HIP1: variants seen among roughly 807,000 people sequenced by gnomAD.
HIP1 encodes the protein huntingtin interacting protein 1.
HIP1 carries 65 observed loss-of-function variants against 147.6 expected under a neutral mutation model. The ratio of observed to expected loss-of-function variants is 0.44; its 90% CI spans 0.36 to 0.54. The LOEUF (loss-of-function observed/expected upper bound fraction) is 0.54. HIP1 is among the 20% of genes least tolerant of loss of function. HIP1 has a pLI of 0.00. For synonymous variants in HIP1, 479 were observed against 504.0 expected, an observed-to-expected ratio of 0.95 and a Z score of 0.67; for missense variants, 1,061 against 1,299.6, an observed-to-expected ratio of 0.82 and a Z score of 2.82.
intron 1 of HIP1, among the ~76,000 whole-genome samples, chr7:75,635,574 T>C (rs1554509545): frequency 9.5e-6 from 1 of 104,918 alleles, no homozygotes; most frequent in African/African-American, 3.5e-5. Context: ...AGAGACTCCA[T>C]CTCAAAAAAA....
intron 1 of HIP1, among the ~76,000 whole-genome samples, chr7:75,610,111 C>T (rs1554504577): frequency 6.6e-6 from 1 of 151,852 alleles, no homozygotes; most frequent in Admixed American, 6.6e-5. Context: ...CCATGTTGGC[C>T]AGGCTGGTCT....
At chr7:75,608,108 C>T (rs782705849) in intron 1 of HIP1, among the ~76,000 whole-genome samples, 14 of 152,246 alleles carry the variant, frequency 9.2e-5, no homozygotes, top group East Asian at 5.8e-4. Context: ...AGTTCAAGTT[C>T]GGCCTGGCCA....
intron 1 of HIP1, among the ~76,000 whole-genome samples, chr7:75,617,597 A>T (rs1797714062): frequency 6.6e-6 from 1 of 152,074 alleles, no homozygotes; most frequent in Admixed American, 6.6e-5. Flanking sequence ...ATAAGAGAAC[A>T]TCTGTGATGA....
At chr7:75,557,287 C>G (rs1359539809) in intron 16 of HIP1, among the ~76,000 whole-genome samples, 14 of 152,012 alleles carry the variant, frequency 9.2e-5, no homozygotes, top group Admixed American at 9.2e-4. Flanking sequence ...TCCACACCCC[C>G]CTCAGCCTCC....
chr7:75,658,104 AT>A (rs541780266), intron 1 of HIP1, among the ~76,000 whole-genome samples: 2 of 151,766 alleles, frequency 1.3e-5, no homozygotes, highest in African/African-American at 4.8e-5. Context: ...TCTTCCTCAT[AT>A]TTTTTTTAGA....
chr7:75,733,653 G>T lies in HIP1; in HGVS notation c.120+5148C>A, dbSNP rs371993149. On this transcript the variant is annotated intron_variant, in intron 1 of 30. Coordinates refer to ENST00000336926, the MANE Select transcript of HIP1 (RefSeq NM_005338.7). Reference sequence around the variant, plus strand: ...TGAGGAGGCAAGGCTTCCTGGAGGAGGCTGGCAGGAGTAGGTATGCAAGGC... The same window carrying T: ...TGAGGAGGCAAGGCTTCCTGGAGGATGCTGGCAGGAGTAGGTATGCAAGGC... 4.5e-5 allele frequency: 7 copies of T among 153,946 alleles called. No homozygotes were observed. The East Asian group carries it at 1.3e-3, about 30-fold the overall frequency. 9.5% of individuals were successfully genotyped at this position (153,946 alleles called of 1,614,324 possible).
At chr7:75,712,785 T>TTCAC (rs371882318) in intron 1 of HIP1, among the ~76,000 whole-genome samples, 1 of 151,898 alleles carries the variant, frequency 6.6e-6, no homozygotes, top group Non-Finnish European at 1.5e-5. Context: ...TACTCATTCA[T>TTCAC]TCACTCACTC....
intron 8 of HIP1, among the ~76,000 whole-genome samples, chr7:75,572,857 G>T (rs781947315): frequency 6.6e-6 from 1 of 152,146 alleles, no homozygotes; most frequent in Non-Finnish European, 1.5e-5. Context: ...AGCCCCAGCT[G>T]CAGACTCAGG....
At chr7:75,732,346 A>AC (rs1236670596) in intron 1 of HIP1, among the ~76,000 whole-genome samples, 2 of 151,806 alleles carry the variant, frequency 1.3e-5, no homozygotes, top group African/African-American at 4.8e-5. Flanking sequence ...CTATCCACCG[A>AC]CTTTTTTTGT....
At chr7:75,676,643 G>C (rs145929372) in intron 1 of HIP1, among the ~76,000 whole-genome samples, 5 of 151,982 alleles carry the variant, frequency 3.3e-5, no homozygotes, top group Non-Finnish European at 7.4e-5. Context: ...GGGCCTGGTG[G>C]TGTGTGCCTG....
chr7:75,662,489 T>G (rs1554513795), intron 1 of HIP1, among the ~76,000 whole-genome samples: 1 of 152,040 alleles, frequency 6.6e-6, no homozygotes, highest in Non-Finnish European at 1.5e-5. Context: ...GAAAGAGGCT[T>G]TTATTTATTT....
Position 75,568,139 on chromosome 7 carries a change from G to T in HIP1, c.803+60C>A. On this transcript the variant is annotated intron_variant, in intron 9 of 30. Coordinates refer to ENST00000336926, the MANE Select transcript of HIP1 (RefSeq NM_005338.7). This position sits in a 1 kb window ranked among gnomAD's most constrained non-coding sequence, Gnocchi z 4.1. Reference sequence around the variant, plus strand: ...CCACCTCTCACAGTGCACTTGCATGGCTTAATGATTTTATAGCGCTCTTGA... The same window carrying T: ...CCACCTCTCACAGTGCACTTGCATGTCTTAATGATTTTATAGCGCTCTTGA... 8.2e-7 allele frequency: 1 copy of T among 1,218,378 alleles called. No individual in the cohort carries two copies. Among genetic ancestry groups the T allele is most frequent in the Non-Finnish European group, 1.2e-6 (1 of 819,128 alleles). The allele number at this position is 1,218,378 out of a possible 1,614,324, so 75.5% of individuals were successfully genotyped here.
At chr7:75,669,776 T>C (rs927178265) in intron 1 of HIP1, among the ~76,000 whole-genome samples, 4 of 152,196 alleles carry the variant, frequency 2.6e-5, no homozygotes, top group Admixed American at 2.6e-4. Flanking sequence ...TTTAAGCATG[T>C]TGTAGCATGA....
chr7:75,668,043 C>T (rs1554514781), intron 1 of HIP1, among the ~76,000 whole-genome samples: 2 of 152,198 alleles, frequency 1.3e-5, no homozygotes, highest in African/African-American at 4.8e-5. Context: ...CAAGGTGACA[C>T]CATCCCTGGA....
At chr7:75,662,178 T>G (rs1799342723) in intron 1 of HIP1, among the ~76,000 whole-genome samples, 1 of 151,836 alleles carries the variant, frequency 6.6e-6, no homozygotes, top group African/African-American at 2.4e-5. Context: ...TCTCCACTAT[T>G]TTTGTTTGTT....
chr7:75,728,787 C>CA (rs782634244), intron 1 of HIP1, among the ~76,000 whole-genome samples: 11,555 of 61,528 alleles, frequency 0.19, 968 homozygotes, highest in Non-Finnish European at 0.26. Context: ...GACTCTGTCT[C>CA]AAAAAAAAAA....
chr7:75,699,838 C>T lies in HIP1; in HGVS notation c.120+38963G>A, dbSNP rs145512274. Among the ~76,000 whole-genome samples the T allele has an allele frequency of 3.4e-4, 51 of 151,262 alleles. No individual in the cohort carries two copies. The East Asian group carries it at 8.1e-3, about 24-fold the overall frequency. ...TGACCAACCACAAGCTGTGCAGCCA[C>T]GGGAGCAGCACTGATTTTTTTTTTT... On this transcript the variant is annotated intron_variant, in intron 1 of 30. Transcript: ENST00000336926.
chr7:75,554,410 C>T, intron 20 of HIP1, 30 bp downstream of exon 20: 1 of 1,576,740 alleles, frequency 6.3e-7, no homozygotes, highest in African/African-American at 1.3e-5. Flanking sequence ...CCATCACTAG[C>T]CGACAGAGAC....
rs1043451345 is a variant in HIP1, at chr7:75,536,758, C to T, written c.*1414G>A. On this transcript the variant is annotated 3_prime_UTR_variant, in exon 31 of 31. Transcript: ENST00000336926. ...GGGATCCAAGTCAGTAACAGTCCAG[C>T]ACCTTGGCCTTTCTTCTGATTCTTG... 2 of 229,250 alleles carry T rather than the reference C, an allele frequency of 8.7e-6. No individual in the cohort carries two copies. The highest frequency in any genetic ancestry group is 4.4e-5 in the African/African-American group (2 of 45,096). 14.2% of individuals were successfully genotyped at this position (229,250 alleles called of 1,614,324 possible).
Sources: gnomAD v4.1 joint callset for allele counts (sites outside exome capture counted in the v4.1 genomes callset) on GRCh38, gnomAD v4.1.1 for gene constraint, Gnocchi (gnomAD v3.1) non-coding constraint, MANE v1.5 for transcripts, NCBI Gene and HGNC (gene_info 2026-07-23, HGNC 2026-07-21) for gene names.